Variants in REEP3 observed in about 807,000 individuals in gnomAD.
REEP3 encodes the protein receptor accessory protein 3, also known as receptor expression-enhancing protein 3.
REEP3 carries 20 observed loss-of-function variants against 41.3 expected under a neutral mutation model. The observed-to-expected ratio is 0.48, with a 90% CI of 0.34 to 0.70. The LOEUF (loss-of-function observed/expected upper bound fraction) is 0.70, where lower values mean the gene tolerates loss of function less well. Ranked by LOEUF, REEP3 falls within the 30% of genes least tolerant of loss-of-function variation. REEP3 has a pLI of 0.01. For missense variants in REEP3, 271 were observed against 308.8 expected, an observed-to-expected ratio of 0.88 and a Z score of 0.92; for synonymous variants, 104 against 101.8, an observed-to-expected ratio of 1.02 and a Z score of -0.13.
chr10:63,551,756 T>C (rs564513871), intron 1 of REEP3, among the ~76,000 whole-genome samples: 41 of 152,250 alleles, frequency 2.7e-4, no homozygotes, highest in Non-Finnish European at 4.1e-4. Context: ...AAACATGATA[T>C]GGTAAATGGA....
chr10:63,529,717 C>T (rs1301970225), intron 1 of REEP3, among the ~76,000 whole-genome samples: 1 of 151,576 alleles, frequency 6.6e-6, no homozygotes, highest in Non-Finnish European at 1.5e-5. Context: ...TTCCTACCAC[C>T]TTGGCCTCCC....
chr10:63,619,881 C>T, intron 7 of REEP3, 81 bp downstream of exon 7: 1 of 921,566 alleles, frequency 1.1e-6, no homozygotes. Context: ...ATTAATGATC[C>T]ATAAATGAAG....
rs761326249 is a variant in REEP3, at chr10:63,521,543, A to G, written c.-3A>G. On this transcript the variant is annotated 5_prime_UTR_variant, in exon 1 of 8. Transcript: ENST00000373758. ...CGGACGTGGGGCCCAAGCCCCCGTG[A>G]AGATGGTGTCCTGGATGATCTCCAG... The G allele has an allele frequency of 9.2e-6, 13 of 1,415,250 alleles. 1 individual carries two copies. In the South Asian group the frequency reaches 1.5e-4, roughly 16 times the overall value. 87.7% of individuals were successfully genotyped at this position (1,415,250 alleles called of 1,614,324 possible).
At chr10:63,599,732 A>G (rs1956155858) in intron 5 of REEP3, 1 of 977,414 alleles carries the variant, frequency 1.0e-6, no homozygotes, top group South Asian at 4.7e-5. Context: ...TATTCAAAAT[A>G]AGGCATGAAA....
chr10:63,611,621 G>A (rs1956277670), intron 6 of REEP3, among the ~76,000 whole-genome samples: 2 of 152,002 alleles, frequency 1.3e-5, no homozygotes, highest in African/African-American at 2.4e-5. Context: ...CCTTATTAAT[G>A]TGTTAAGTCC....
At chr10:63,602,798 G>A (rs758279687) in intron 5 of REEP3, among the ~76,000 whole-genome samples, 13 of 151,668 alleles carry the variant, frequency 8.6e-5, no homozygotes, top group African/African-American at 1.5e-4. Flanking sequence ...CTTACACTTC[G>A]CCTCCATTGG....
chr10:63,538,649 G>A (rs143665822), intron 1 of REEP3, among the ~76,000 whole-genome samples: 3 of 152,224 alleles, frequency 2.0e-5, no homozygotes, highest in African/African-American at 7.2e-5. Context: ...CAGGAGAATC[G>A]CTTGAACCCA....
rs554154198 is a variant in REEP3 at position 63,618,338 on chromosome 10, C to T, written c.566-1317C>T. Among the ~76,000 whole-genome samples, 596 of 150,164 alleles carry T rather than the reference C, an allele frequency of 4.0e-3. 3 individuals are homozygous for T. The highest frequency in any genetic ancestry group is 7.2e-3 in the Non-Finnish European group (490 of 67,624). On this transcript the variant is annotated intron_variant, in intron 6 of 7. Coordinates refer to ENST00000373758, the MANE Select transcript of REEP3 (RefSeq NM_001001330.3). Reference sequence around the variant, plus strand: ...TCAGCTCACTGCAAGCTCCGCCTCCCGGATTCATGCCATTCTCCTGCCCCA... The same window carrying T: ...TCAGCTCACTGCAAGCTCCGCCTCCTGGATTCATGCCATTCTCCTGCCCCA...
rs542717954 is a variant in REEP3, at chr10:63,603,109, T to G, written c.417+3826T>G. On this transcript the variant is annotated intron_variant, in intron 5 of 7. Coordinates refer to ENST00000373758, the MANE Select transcript of REEP3 (RefSeq NM_001001330.3). ...CGGGCGGATCACAAGGTCAGGAGATTGAGACCATCCTGGCTAACACAGTGA... is the reference window on the plus strand; with the variant it reads ...CGGGCGGATCACAAGGTCAGGAGATGGAGACCATCCTGGCTAACACAGTGA... 4.4e-4 allele frequency among the ~76,000 whole-genome samples: 66 copies of G among 151,594 alleles called. No individual in the cohort carries two copies. The South Asian group carries it at 9.9e-3, about 23-fold the overall frequency.
chr10:63,579,041 TG>T lies in REEP3; in HGVS notation c.105+12641del, dbSNP rs34124994. On this transcript the variant is annotated intron_variant, in intron 2 of 7. Transcript: ENST00000373758. ...ATATTCTTCACTATGTGTTTTTTTT[TG>T]GGGGGGGGGAGATGGAGTCTCTCTC... 4.4e-3 allele frequency among the ~76,000 whole-genome samples: 609 copies of T among 137,002 alleles called. 4 individuals are homozygous for T. The highest frequency in any genetic ancestry group is 7.4e-3 in the Middle Eastern group (2 of 272). The allele number at this position is 137,002 out of a possible 152,430, so 89.9% of individuals were successfully genotyped here.
chr10:63,596,275 T>C (rs1452523925), intron 3 of REEP3, among the ~76,000 whole-genome samples: 2 of 151,512 alleles, frequency 1.3e-5, no homozygotes, highest in Non-Finnish European at 2.9e-5. Context: ...GGGGTTTGGT[T>C]GTGGGGGGTC....
At chr10:63,601,307 G>A (rs1956169808) in intron 5 of REEP3, among the ~76,000 whole-genome samples, 1 of 152,118 alleles carries the variant, frequency 6.6e-6, no homozygotes, top group African/African-American at 2.4e-5. Context: ...TCTCAATTGT[G>A]TTAGCTTAGA....
chr10:63,539,825 G>A (rs1463963723), intron 1 of REEP3, among the ~76,000 whole-genome samples: 1 of 151,998 alleles, frequency 6.6e-6, no homozygotes, highest in Non-Finnish European at 1.5e-5. Flanking sequence ...GATGGCACCT[G>A]GACATACTTT....
chr10:63,547,449 T>TA (rs1955589996), intron 1 of REEP3, among the ~76,000 whole-genome samples: 1 of 152,114 alleles, frequency 6.6e-6, no homozygotes, highest in Admixed American at 6.5e-5. Context: ...ATGGACAAGA[T>TA]ACTTCACACC....
At chr10:63,599,755 A>C in intron 5 of REEP3, 1 of 889,342 alleles carries the variant, frequency 1.1e-6, no homozygotes, top group Non-Finnish European at 1.3e-6. Flanking sequence ...GTCTGTTCTT[A>C]AAACTTGGTA....
chr10:63,551,314 A>G (rs144531456), intron 1 of REEP3, among the ~76,000 whole-genome samples: 1 of 152,342 alleles, frequency 6.6e-6, no homozygotes, highest in Non-Finnish European at 1.5e-5. Context: ...ATTGGATTAT[A>G]CCATCCAAAG....
At chr10:63,597,947 T>C (rs1217609595) in intron 3 of REEP3, 77 bp from the exon 4 acceptor site, 1 of 1,364,366 alleles carries the variant, frequency 7.3e-7, no homozygotes, top group Non-Finnish European at 1.0e-6. Context: ...GACTGAACTT[T>C]TTAAAAGGTG....
intron 1 of REEP3, among the ~76,000 whole-genome samples, chr10:63,531,580 A>G (rs749973593): frequency 6.6e-6 from 1 of 152,244 alleles, no homozygotes; most frequent in Non-Finnish European, 1.5e-5. Flanking sequence ...TTAATTAAAA[A>G]TTAAATTTCT....
intron 1 of REEP3, among the ~76,000 whole-genome samples, chr10:63,565,439 C>A (rs893290929): frequency 2.6e-5 from 4 of 152,120 alleles, no homozygotes; most frequent in Admixed American, 2.6e-4. Context: ...ATTTGGTGAT[C>A]TTTACAAATG....
Sources: gnomAD v4.1 joint callset for allele counts (sites outside exome capture counted in the v4.1 genomes callset) on GRCh38, gnomAD v4.1.1 for gene constraint, MANE v1.5 for transcripts, NCBI Gene and HGNC (gene_info 2026-07-23, HGNC 2026-07-21) for gene names.